Variants in LAMP3 observed in about 807,000 individuals in gnomAD.
LAMP3 encodes lysosome associated membrane protein 3.
LAMP3 carries 26 observed loss-of-function variants against 34.8 expected under a neutral mutation model. The observed-to-expected ratio is 0.75, with a 90% confidence interval of 0.55 to 1.04. The LOEUF (loss-of-function observed/expected upper bound fraction) is 1.04, where lower values mean the gene tolerates loss of function less well. Among genes scored for constraint, LAMP3 ranks in the 50% least tolerant of loss-of-function variants. The pLI, the probability that LAMP3 is intolerant of heterozygous loss-of-function variation, is 0.00. For missense variants in LAMP3, 495 were observed against 524.0 expected (o/e 0.94, Z 0.54); for synonymous variants, 180 against 201.9 (o/e 0.89, Z 0.92).
chr3:183,151,810 G>T (rs1013541800), intron 3 of LAMP3, among the ~76,000 whole-genome samples: 1 of 152,116 alleles, frequency 6.6e-6, no homozygotes, highest in Admixed American at 6.5e-5. Flanking sequence ...TAAGTTGCCT[G>T]CCCAGTGTCA....
At chr3:183,162,066 C>T (rs1286272382) in intron 1 of LAMP3, 1 of 650,834 alleles carries the variant, frequency 1.5e-6, no homozygotes, top group Non-Finnish European at 1.9e-6. Flanking sequence ...GACAACACCA[C>T]AGCACCCGAG....
rs894755486 is a variant in LAMP3, at chr3:183,152,468, G to T, written c.795C>A (p.Pro265=). 1 of 1,612,666 alleles carries T rather than the reference G, an allele frequency of 6.2e-7. No homozygotes were observed. The highest frequency in any genetic ancestry group is 1.3e-5 in the African/African-American group (1 of 74,894). The change falls in exon 3 of 6, where the codon CCC becomes CCA. Residue 265 remains proline, a synonymous_variant. Coordinates refer to ENST00000265598, the MANE Select transcript of LAMP3 (RefSeq NM_014398.4). ...FSPRRYFNID[P]NATQASGNCG... is the part of the protein sequence containing the mutation. ...AGTTCCCAGAGGCTTGCGTTGCGTT[G>T]GGGTCGATGTTGAAGTATCTCCGAG...
Position 183,135,773 on chromosome 3 carries a change from T to A in LAMP3, c.1061A>T (p.Lys354Ile). ...GGCTTGAAGTTGGACATCGGTTGTT[T>A]TCACCTGCAGGTGGGCTGACAACTG... ...SLQLSAHLQV[K>I]TTDVQLQAFD... is the part of the protein sequence containing the mutation. The change falls in exon 5 of 6, where the codon AAA becomes ATA. Residue 354 changes from lysine (K) to isoleucine (I), a missense_variant. Transcript: ENST00000265598. 6.2e-7 allele frequency: 1 copy of A among 1,614,228 alleles called. No individual in the cohort carries two copies. Among genetic ancestry groups the A allele is most frequent in the Non-Finnish European group, 8.5e-7 (1 of 1,180,012 alleles).
intron 1 of LAMP3, among the ~76,000 whole-genome samples, chr3:183,160,074 C>T (rs1346068236): frequency 1.3e-5 from 2 of 152,194 alleles, no homozygotes; most frequent in Non-Finnish European, 2.9e-5. Context: ...TTTCTCTGGA[C>T]ATGTTTTCAC....
intron 2 of LAMP3, 39 bp from the exon 3 acceptor site, chr3:183,152,542 A>AG: frequency 6.4e-7 from 1 of 1,566,130 alleles, no homozygotes; most frequent in South Asian, 1.2e-5. Context: ...TGAGATGTAG[A>AG]GGAAAACTCT....
rs111747229 is a variant in LAMP3, at chr3:183,126,534, ATGTGTGTG to A, written c.1118-2328_1118-2321del. ...TTTTGGGCATGTAGTTCCTCTGTGA[ATGTGTGTG>A]TGTGTGTGTGTGTGTGTGTGTGCAC... On this transcript the variant is annotated intron_variant, in intron 5 of 5. Coordinates refer to ENST00000265598, the MANE Select transcript of LAMP3 (RefSeq NM_014398.4). 4.1e-4 allele frequency among the ~76,000 whole-genome samples: 61 copies of A among 149,744 alleles called. No individual in the cohort carries two copies. In the South Asian group the frequency reaches 4.9e-3, roughly 12 times the overall value.
At chr3:183,131,541 A>G (rs1719919987) in intron 5 of LAMP3, among the ~76,000 whole-genome samples, 1 of 152,154 alleles carries the variant, frequency 6.6e-6, no homozygotes, top group Non-Finnish European at 1.5e-5. Flanking sequence ...TAAGAGGGAA[A>G]CAGACATTTT....
chr3:183,143,956 G>T (rs574323562), intron 3 of LAMP3, among the ~76,000 whole-genome samples: 1 of 79,266 alleles, frequency 1.3e-5, no homozygotes, highest in Admixed American at 1.5e-4. Context: ...ACATACGGGG[G>T]TCTGGCACCA....
At chr3:183,143,823 G>A (rs1042424614) in intron 3 of LAMP3, among the ~76,000 whole-genome samples, 6 of 152,266 alleles carry the variant, frequency 3.9e-5, no homozygotes, top group Middle Eastern at 3.4e-3. Context: ...AAATAAAATC[G>A]TCTTTGGTAA....
rs1719722145 is a variant in LAMP3 at position 183,123,846 on chromosome 3, A to C, written c.*235T>G. On this transcript the variant is annotated 3_prime_UTR_variant, in exon 6 of 6. Transcript: ENST00000265598. Reference sequence around the variant, plus strand: ...TGACTTTGAGTGGCTAAAATATTCTAAAGGAAACTAGAAAATAAACAGCTC... The same window carrying C: ...TGACTTTGAGTGGCTAAAATATTCTCAAGGAAACTAGAAAATAAACAGCTC... 10 of 475,948 alleles carry C rather than the reference A, an allele frequency of 2.1e-5. No individual in the cohort carries two copies. The South Asian group carries it at 2.4e-4, about 12-fold the overall frequency. The allele number at this position is 475,948 out of a possible 1,614,324, so 29.5% of individuals were successfully genotyped here.
rs138564274 is a variant in LAMP3, at chr3:183,138,844, C to G, written c.946+1694G>C. ...CGACCTCACCTGCTGCTTATTCTCTCTCCGGGCACACTGGCACTCTGCAGG... is the reference window on the plus strand; with the variant it reads ...CGACCTCACCTGCTGCTTATTCTCTGTCCGGGCACACTGGCACTCTGCAGG... On this transcript the variant is annotated intron_variant, in intron 4 of 5. Coordinates refer to ENST00000265598, the MANE Select transcript of LAMP3 (RefSeq NM_014398.4). Among the ~76,000 whole-genome samples, 602 of 152,282 alleles carry G rather than the reference C, an allele frequency of 4.0e-3. 4 individuals carry two copies. The highest frequency in any genetic ancestry group is 0.014 in the African/African-American group (580 of 41,536).
At chr3:183,163,171 T>C (rs1465048289), upstream of LAMP3, among the ~76,000 whole-genome samples, 1 of 151,964 alleles carries the variant, frequency 6.6e-6, no homozygotes, top group Non-Finnish European at 1.5e-5. Context: ...TTGGCCAGGC[T>C]GGTCTCGAGC....
chr3:183,160,172 G>A (rs1720936143), intron 1 of LAMP3, among the ~76,000 whole-genome samples: 1 of 152,128 alleles, frequency 6.6e-6, no homozygotes, highest in African/African-American at 2.4e-5. Context: ...CTTAACTGAC[G>A]TGAACTTAAA....
At chr3:183,129,494 C>T (rs1461223696) in intron 5 of LAMP3, among the ~76,000 whole-genome samples, 3 of 152,006 alleles carry the variant, frequency 2.0e-5, no homozygotes, top group Non-Finnish European at 2.9e-5. Context: ...ATCTGTATTA[C>T]CTGTAATGAT....
upstream of LAMP3, chr3:183,162,785 C>G: frequency 2.4e-6 from 2 of 847,516 alleles, no homozygotes; most frequent in Non-Finnish European, 3.4e-6. Flanking sequence ...AAAGCCCGCC[C>G]AGGGCCGCTG....
chr3:183,122,604 T>C lies in LAMP3; in HGVS notation c.*1477A>G, dbSNP rs2108592629. 6.6e-6 allele frequency: 1 copy of C among 152,318 alleles called. No individual in the cohort carries two copies. Among genetic ancestry groups the C allele is most frequent in the Admixed American group, 6.5e-5 (1 of 15,306 alleles). 9.4% of individuals were successfully genotyped at this position (152,318 alleles called of 1,614,324 possible). A position where few individuals can be genotyped will look rare whatever the true frequency, so the allele number is the denominator to read the frequency against. ...TATTATCAAAAAAATTTAAAAATAC[T>C]TTGAGTTTATTTGATGCCTTCATCT... On this transcript the variant is annotated 3_prime_UTR_variant, in exon 6 of 6. Coordinates refer to ENST00000265598, the MANE Select transcript of LAMP3 (RefSeq NM_014398.4).
In LAMP3 at chr3:183,154,090, A is replaced by G. The variant is rs756326065; in HGVS notation, c.351T>C (p.Ala117=). The change falls in exon 2 of 6, where the codon GCT becomes GCC. Residue 117 remains alanine, a synonymous_variant. Transcript: ENST00000265598. ...CGACTGTAACTTCAGTAACTGGAGGAGCTGTGTGTGAGTTGTTGGGTGTGG... is the reference window on the plus strand; with the variant it reads ...CGACTGTAACTTCAGTAACTGGAGGGGCTGTGTGTGAGTTGTTGGGTGTGG... ...TQATPNNSHT[A]PPVTEVTVGP... 2 of 1,613,824 alleles carry G rather than the reference A, an allele frequency of 1.2e-6. No individual in the cohort carries two copies. The highest frequency in any genetic ancestry group is 2.2e-5 in the South Asian group (2 of 91,060).
intron 4 of LAMP3, 99 bp downstream of exon 4, chr3:183,140,439 A>G (rs915789470): frequency 1.3e-4 from 55 of 430,874 alleles, no homozygotes; most frequent in African/African-American, 8.2e-4. Context: ...AAAAAAAAAA[A>G]GCAGCATCAA....
intron 5 of LAMP3, among the ~76,000 whole-genome samples, chr3:183,128,594 TG>T (rs1719839269): frequency 6.6e-6 from 1 of 152,204 alleles, no homozygotes; most frequent in Non-Finnish European, 1.5e-5. Context: ...GGTGTGTTTG[TG>T]TTCCCAGGCC....
Sources: gnomAD v4.1 joint callset for allele counts (sites outside exome capture counted in the v4.1 genomes callset) on GRCh38, gnomAD v4.1.1 for gene constraint, MANE v1.5 for transcripts, NCBI Gene and HGNC (gene_info 2026-07-23, HGNC 2026-07-21) for gene names.